Variants in POLA1 observed in about 807,000 individuals in gnomAD.
POLA1 encodes DNA polymerase alpha 1, catalytic subunit.
A neutral mutation model predicts 124.0 loss-of-function variants in POLA1; 15 were observed. The observed-to-expected ratio is 0.12, with a 90% CI of 0.08 to 0.19. The LOEUF (loss-of-function observed/expected upper bound fraction) is 0.19, where lower values mean the gene tolerates loss of function less well. Among genes scored for constraint, POLA1 ranks in the 10% least tolerant of loss-of-function variants. The probability of loss-of-function intolerance (pLI) is 1.00; values close to 1 mark genes in which losing one functional copy is unlikely to be tolerated. For missense variants in POLA1, 886 were observed against 1,103.4 expected, an observed-to-expected ratio of 0.80 and a Z score of 2.79; for synonymous variants, 408 against 389.4, an observed-to-expected ratio of 1.05 and a Z score of -0.56.
At chrX:24,956,549 G>A (rs1029144388) in intron 36 of POLA1, among the ~76,000 whole-genome samples, 1 of 110,298 alleles carries the variant, frequency 9.1e-6, no homozygotes, top group African/African-American at 3.3e-5. Context: ...GACCAAAGAA[G>A]TTTAGAAAAT....
rs141414519 is a variant in POLA1 at position 24,695,707 on chromosome X, A to C, written c.43+1703A>C. 5.7e-3 allele frequency among the ~76,000 whole-genome samples: 638 copies of C among 111,429 alleles called. 6 individuals are homozygous for C. Among genetic ancestry groups the C allele is most frequent in the African/African-American group, 0.02 (625 of 30,627 alleles). ...TGGCCAGGCTGGTCTTGAACTCCTGATGTCAGGTGATCCACCTGTCTCTTC... is the reference window on the plus strand; with the variant it reads ...TGGCCAGGCTGGTCTTGAACTCCTGCTGTCAGGTGATCCACCTGTCTCTTC... On this transcript the variant is annotated intron_variant, in intron 1 of 36. Coordinates refer to ENST00000379068, the MANE Select transcript of POLA1 (RefSeq NM_001330360.2).
intron 34 of POLA1, among the ~76,000 whole-genome samples, chrX:24,873,153 C>G (rs1360381532): frequency 2.7e-5 from 3 of 111,727 alleles, no homozygotes; most frequent in African/African-American, 9.8e-5. Context: ...CTACAGAGTG[C>G]TTTCACTGCC....
chrX:24,951,012 G>A (rs58097728), intron 36 of POLA1, among the ~76,000 whole-genome samples: 11,123 of 111,264 alleles, frequency 0.1, 470 homozygotes, highest in Middle Eastern at 0.13. Flanking sequence ...TATAACATAG[G>A]AGAGGAGATT....
At chrX:24,695,001 C>T (rs1455223551) in intron 1 of POLA1, among the ~76,000 whole-genome samples, 3 of 112,018 alleles carry the variant, frequency 2.7e-5, no homozygotes, top group Non-Finnish European at 5.6e-5. Flanking sequence ...TCTTTGCAGG[C>T]CTCTATCAGT....
intron 36 of POLA1, among the ~76,000 whole-genome samples, chrX:24,940,509 A>G (rs1055765009): frequency 4.5e-5 from 5 of 111,666 alleles, no homozygotes; most frequent in African/African-American, 1.3e-4. Context: ...GGAATGTACT[A>G]TGAGTTTCAG....
At chrX:24,708,371 A>AC (rs1928955921) in intron 4 of POLA1, among the ~76,000 whole-genome samples, 1 of 70,484 alleles carries the variant, frequency 1.4e-5, no homozygotes, top group Non-Finnish European at 2.8e-5. Context: ...TCATGAAAAT[A>AC]CTTTTTTTTT....
rs148831635 is a variant in POLA1, at chrX:24,873,345, A to G, written c.4048-14661A>G. ...AAATGAACATACCGTTCTACTTTGC[A>G]ATTCTAATTTGGGTATCTCTCCTTA... On this transcript the variant is annotated intron_variant, in intron 34 of 36. Coordinates refer to ENST00000379068, the MANE Select transcript of POLA1 (RefSeq NM_001330360.2). 3.4e-3 allele frequency among the ~76,000 whole-genome samples: 386 copies of G among 112,170 alleles called. 3 individuals carry two copies. The highest frequency in any genetic ancestry group is 0.011 in the African/African-American group (352 of 30,907).
At chrX:24,896,271 C>T (rs1316664732) in intron 35 of POLA1, among the ~76,000 whole-genome samples, 2 of 111,243 alleles carry the variant, frequency 1.8e-5, no homozygotes, top group African/African-American at 6.5e-5. Flanking sequence ...GGATAGCTTC[C>T]AGAGCTAAAG....
At chrX:24,855,252 G>A (rs191318392) in intron 34 of POLA1, among the ~76,000 whole-genome samples, 2 of 111,402 alleles carry the variant, frequency 1.8e-5, no homozygotes, top group African/African-American at 3.3e-5. Flanking sequence ...GTTACTTTTG[G>A]GGGGAGGGGT....
chrX:24,805,391 G>C (rs1342596120), intron 26 of POLA1, among the ~76,000 whole-genome samples: 1 of 111,647 alleles, frequency 9.0e-6, no homozygotes, highest in Non-Finnish European at 1.9e-5. Flanking sequence ...GTGTGACACC[G>C]AGTCTCCTGA....
chrX:24,744,610 G>A, intron 23 of POLA1: 1 of 335,215 alleles, frequency 3.0e-6, no homozygotes, highest in Non-Finnish European at 5.6e-6. Flanking sequence ...CTCAGTTTTT[G>A]TACAGGTAAA....
At chrX:24,987,337 C>T (rs1396989404) in intron 36 of POLA1, among the ~76,000 whole-genome samples, 1 of 111,941 alleles carries the variant, frequency 8.9e-6, no homozygotes, top group Non-Finnish European at 1.9e-5. Flanking sequence ...TGCTTGGATT[C>T]CTGTCCCACA....
intron 35 of POLA1, among the ~76,000 whole-genome samples, chrX:24,895,007 C>T (rs2047189955): frequency 9.0e-6 from 1 of 110,529 alleles, no homozygotes; most frequent in Non-Finnish European, 1.9e-5. Flanking sequence ...ATCCTGGGCT[C>T]AAGCGATCTG....
intron 32 of POLA1, among the ~76,000 whole-genome samples, chrX:24,831,327 C>T (rs1168733215): frequency 9.0e-6 from 1 of 111,725 alleles, no homozygotes; most frequent in Non-Finnish European, 1.9e-5. Context: ...ATTACTTTGT[C>T]AATAAAGAAT....
intron 30 of POLA1, among the ~76,000 whole-genome samples, chrX:24,819,853 G>C (rs5944683): frequency 0.45 from 48,883 of 109,630 alleles, 8,840 homozygotes; most frequent in East Asian, 0.65. Context: ...TCCCCTCCCT[G>C]TGTCCATGTG....
intron 34 of POLA1, among the ~76,000 whole-genome samples, chrX:24,882,602 C>T (rs2047016166): frequency 9.0e-6 from 1 of 110,596 alleles, no homozygotes; most frequent in East Asian, 2.8e-4. Context: ...ATCTGCTTAG[C>T]ATGATGGCCT....
intron 35 of POLA1, among the ~76,000 whole-genome samples, chrX:24,912,534 T>TA (rs2047463970): frequency 9.0e-6 from 1 of 111,133 alleles, no homozygotes; most frequent in Admixed American, 9.5e-5. Flanking sequence ...GCAATCCAAT[T>TA]TAAAAAAAAA....
rs143515993 is a variant in POLA1, at chrX:24,775,716, C to T, written c.2964+26724C>T. Among the ~76,000 whole-genome samples, 137 of 111,870 alleles carry T rather than the reference C, an allele frequency of 1.2e-3. No homozygotes were observed. In the East Asian group the frequency reaches 0.019, roughly 15 times the overall value. On this transcript the variant is annotated intron_variant, in intron 26 of 36. Coordinates refer to ENST00000379068, the MANE Select transcript of POLA1 (RefSeq NM_001330360.2). ...TCTAAAGATTCTTGGAACATAGAAA[C>T]CATAAAGAGGAACGTGTCTGTGTTT...
rs926835096 is a variant in POLA1 at position 24,944,390 on chromosome X, C to G, written c.4261+13841C>G. Reference sequence around the variant, plus strand: ...AGGAATGATGAGAATTATGCCCCCCCACCCCCTGTCTAACTTAGCATCCAA... The same window carrying G: ...AGGAATGATGAGAATTATGCCCCCCGACCCCCTGTCTAACTTAGCATCCAA... On this transcript the variant is annotated intron_variant, in intron 36 of 36. Transcript: ENST00000379068. Among the ~76,000 whole-genome samples, 5 of 110,600 alleles carry G rather than the reference C, an allele frequency of 4.5e-5. No individual in the cohort carries two copies. In the South Asian group the frequency reaches 1.6e-3, roughly 35 times the overall value.
Sources: allele counts gnomAD v4.1 joint callset (sites outside exome capture counted in the v4.1 genomes callset), GRCh38; gene constraint gnomAD v4.1.1; transcripts MANE v1.5; gene names NCBI Gene and HGNC (gene_info 2026-07-23, HGNC 2026-07-21).